Variants in NEK11 observed in about 807,000 individuals in gnomAD.
The protein encoded by NEK11 is serine/threonine-protein kinase Nek11.
NEK11 carries 72 observed loss-of-function variants against 80.7 expected under a neutral mutation model. The ratio of observed to expected loss-of-function variants is 0.89; its 90% confidence interval spans 0.74 to 1.08. The LOEUF (loss-of-function observed/expected upper bound fraction) is 1.08. Ranked by LOEUF, NEK11 falls within the 50% of genes least tolerant of loss-of-function variation. The probability of loss-of-function intolerance (pLI) is 0.00; values close to 1 mark genes in which losing one functional copy is unlikely to be tolerated. For missense variants in NEK11, 764 were observed against 763.6 expected (o/e 1.00, Z -0.01); for synonymous variants, 251 against 260.7 (o/e 0.96, Z 0.36).
At chr3:131,155,951 A>C (rs1311481251) in intron 10 of NEK11, among the ~76,000 whole-genome samples, 2 of 152,242 alleles carry the variant, frequency 1.3e-5, no homozygotes, top group Non-Finnish European at 2.9e-5. Flanking sequence ...ACGTGTTCTT[A>C]ATAACCTTGT....
Position 131,288,538 on chromosome 3 carries a change from C to T in NEK11, c.1718+14964C>T, listed in dbSNP as rs576283636. 8.0e-5 allele frequency among the ~76,000 whole-genome samples: 12 copies of T among 150,504 alleles called. No homozygotes were observed. The East Asian group carries it at 1.4e-3, about 17-fold the overall frequency. ...GGTGATCTAGGCTCACCACAGCCTCCGCCTCCCAGGTTCAAGCGATTCTCC... is the reference window on the plus strand; with the variant it reads ...GGTGATCTAGGCTCACCACAGCCTCTGCCTCCCAGGTTCAAGCGATTCTCC... On this transcript the variant is annotated intron_variant, in intron 17 of 17. Coordinates refer to ENST00000383366, the MANE Select transcript of NEK11 (RefSeq NM_024800.5).
At position 131,109,936 on chromosome 3, in the gene NEK11, T is replaced by G; in HGVS notation, c.455+15T>G. 1 of 1,579,852 alleles carries G rather than the reference T, an allele frequency of 6.3e-7. No homozygotes were observed. The highest frequency in any genetic ancestry group is 2.3e-5 in the East Asian group (1 of 42,798). On this transcript the variant is annotated intron_variant, in intron 5 of 17. Transcript: ENST00000383366. Reference sequence around the variant, plus strand: ...ATGCATGAGAGGTATGTTCATTTGCTACTGGGGGAGCATGATATATTTTTA... The same window carrying G: ...ATGCATGAGAGGTATGTTCATTTGCGACTGGGGGAGCATGATATATTTTTA...
rs774318997 is a variant in NEK11, at chr3:131,273,432, G to A, written c.1622-46G>A. On this transcript the variant is annotated intron_variant, in intron 16 of 17. Transcript: ENST00000383366. The stretch of plus-strand genomic sequence containing the variant: ...TGCCCTTGAACATCGCCTTGAAGTT[G>A]CAGGATTGCTGATGAAGTCAATAAG... The A allele has an allele frequency of 5.5e-6, 8 of 1,463,286 alleles. No individual in the cohort carries two copies. In the Admixed American group the frequency reaches 1.3e-4, roughly 25 times the overall value. 90.6% of individuals were successfully genotyped at this position (1,463,286 alleles called of 1,614,324 possible).
At chr3:131,174,135 T>C (rs1579575376) in intron 14 of NEK11, among the ~76,000 whole-genome samples, 1 of 152,142 alleles carries the variant, frequency 6.6e-6, no homozygotes. Context: ...CAATTCTATG[T>C]CTTTGCTATT....
chr3:131,042,017 C>A (rs1400236258), intron 3 of NEK11, among the ~76,000 whole-genome samples: 1 of 152,152 alleles, frequency 6.6e-6, no homozygotes, highest in East Asian at 1.9e-4. Context: ...GCTCCCTCCC[C>A]TAGCGAAGGG....
At chr3:131,342,922 AG>A (rs2097308031) in intron 17 of NEK11, among the ~76,000 whole-genome samples, 1 of 152,238 alleles carries the variant, frequency 6.6e-6, no homozygotes, top group African/African-American at 2.4e-5. Flanking sequence ...TTTTTAAAAA[AG>A]AAAAAATATA....
intron 3 of NEK11, among the ~76,000 whole-genome samples, chr3:131,068,819 T>A (rs2072575420): frequency 6.6e-6 from 1 of 152,204 alleles, no homozygotes; most frequent in South Asian, 2.1e-4. Context: ...AGACTTTTAT[T>A]TGGGTATAAG....
At chr3:131,276,953 C>T (rs1255733917) in intron 17 of NEK11, among the ~76,000 whole-genome samples, 1 of 152,170 alleles carries the variant, frequency 6.6e-6, no homozygotes, top group Non-Finnish European at 1.5e-5. Flanking sequence ...GTTCCTTAGT[C>T]ATTCTTCATC....
chr3:131,338,289 T>TTTTC, intron 17 of NEK11, among the ~76,000 whole-genome samples: 1 of 149,794 alleles, frequency 6.7e-6, no homozygotes, highest in South Asian at 2.1e-4. Context: ...TTTTTTTTTT[T>TTTTC]TTAATACTAA....
intron 3 of NEK11, among the ~76,000 whole-genome samples, chr3:131,068,522 T>C (rs893070863): frequency 6.6e-6 from 1 of 152,188 alleles, no homozygotes; most frequent in Non-Finnish European, 1.5e-5. Context: ...GAAACAAAAC[T>C]CATAGAAAAC....
chr3:131,226,137 C>G (rs2095186815), intron 14 of NEK11, among the ~76,000 whole-genome samples: 1 of 152,042 alleles, frequency 6.6e-6, no homozygotes, highest in South Asian at 2.1e-4. Context: ...GAGAAAGAGA[C>G]ACAGAGATTC....
At chr3:131,046,577 TC>T (rs2067424277) in intron 3 of NEK11, among the ~76,000 whole-genome samples, 1 of 144,600 alleles carries the variant, frequency 6.9e-6, no homozygotes. Flanking sequence ...ATAAAGTGAT[TC>T]TTTTTTTTTT....
chr3:131,314,060 AT>A (rs1387466293), intron 17 of NEK11, among the ~76,000 whole-genome samples: 1 of 151,938 alleles, frequency 6.6e-6, no homozygotes, highest in African/African-American at 2.4e-5. Flanking sequence ...CAGTATTCTG[AT>A]TGGTAATCTC....
chr3:131,210,793 A>G (rs1241173738), intron 14 of NEK11, among the ~76,000 whole-genome samples: 1 of 152,150 alleles, frequency 6.6e-6, no homozygotes, highest in African/African-American at 2.4e-5. Context: ...CTAAGATTGC[A>G]ATCGCTGCTT....
chr3:131,171,682 T>G (rs540211387), intron 14 of NEK11, among the ~76,000 whole-genome samples: 26 of 152,268 alleles, frequency 1.7e-4, no homozygotes, highest in African/African-American at 6.0e-4. Flanking sequence ...TGTGGAGTGG[T>G]CTTAGTTCAG....
intron 14 of NEK11, among the ~76,000 whole-genome samples, chr3:131,194,544 C>G (rs2093925573): frequency 6.6e-6 from 1 of 151,918 alleles, no homozygotes; most frequent in South Asian, 2.1e-4. Context: ...TCAAAATAGT[C>G]ATTTTCATTT....
At chr3:131,228,064 C>T (rs989349581) in intron 14 of NEK11, among the ~76,000 whole-genome samples, 1 of 151,958 alleles carries the variant, frequency 6.6e-6, no homozygotes, top group Non-Finnish European at 1.5e-5. Context: ...TTGTTTGGTC[C>T]TACCAGTAAC....
At chr3:131,253,446 T>C (rs1466687455) in intron 16 of NEK11, among the ~76,000 whole-genome samples, 1 of 152,094 alleles carries the variant, frequency 6.6e-6, no homozygotes, top group Non-Finnish European at 1.5e-5. Context: ...GCATGGGGAA[T>C]AGCCAATAAT....
At chr3:131,158,255 C>T (rs902628021) in intron 10 of NEK11, among the ~76,000 whole-genome samples, 3 of 152,134 alleles carry the variant, frequency 2.0e-5, no homozygotes, top group African/African-American at 7.2e-5. Flanking sequence ...TGCTCCTTCC[C>T]CTAACTGCAG....
Sources: allele counts gnomAD v4.1 joint callset (sites outside exome capture counted in the v4.1 genomes callset), GRCh38; gene constraint gnomAD v4.1.1; transcripts MANE v1.5; gene names NCBI Gene and HGNC (gene_info 2026-07-23, HGNC 2026-07-21).